Variants in ENPP6 observed in about 807,000 individuals in gnomAD.
ENPP6 encodes the protein ectonucleotide pyrophosphatase/phosphodiesterase 6.
Under a neutral mutation model 42.0 loss-of-function variants are expected in ENPP6, and 32 were observed. That is an observed-to-expected ratio of 0.76 (90% confidence interval 0.58 to 1.02). The LOEUF (loss-of-function observed/expected upper bound fraction) is 1.02. Ranked by LOEUF, ENPP6 falls within the 50% of genes least tolerant of loss-of-function variation. The probability of loss-of-function intolerance (pLI) is 0.00; values close to 1 mark genes in which losing one functional copy is unlikely to be tolerated. For missense variants in ENPP6, 552 were observed against 566.8 expected, an observed-to-expected ratio of 0.97 and a Z score of 0.27; for synonymous variants, 213 against 216.0, an observed-to-expected ratio of 0.99 and a Z score of 0.12.
chr4:184,157,014 C>G (rs1006906516), intron 1 of ENPP6, among the ~76,000 whole-genome samples: 2 of 152,212 alleles, frequency 1.3e-5, no homozygotes, highest in Non-Finnish European at 2.9e-5. Flanking sequence ...CAACTAGACT[C>G]AAACTTGGGC....
chr4:184,116,689 C>T (rs771187360), intron 5 of ENPP6, among the ~76,000 whole-genome samples, 167 bp downstream of exon 5: 2 of 152,118 alleles, frequency 1.3e-5, no homozygotes, highest in Non-Finnish European at 1.5e-5. Context: ...GCCGAGATCG[C>T]GCCATTGCAC....
chr4:184,194,270 C>G (rs1385464108), intron 1 of ENPP6, among the ~76,000 whole-genome samples: 1 of 152,208 alleles, frequency 6.6e-6, no homozygotes, highest in Non-Finnish European at 1.5e-5. Flanking sequence ...AGATGTTTCA[C>G]TGCACATTAA....
intron 1 of ENPP6, among the ~76,000 whole-genome samples, chr4:184,187,608 T>C (rs1486724355): frequency 6.6e-6 from 1 of 152,216 alleles, no homozygotes; most frequent in East Asian, 1.9e-4. Flanking sequence ...AATTTTATCT[T>C]ATCAGAAAGA....
chr4:184,092,860 A>G (rs1028044737), intron 7 of ENPP6, among the ~76,000 whole-genome samples: 4 of 152,268 alleles, frequency 2.6e-5, no homozygotes, highest in Non-Finnish European at 5.9e-5. Context: ...GCTTTGCTAA[A>G]GAATCCTAAA....
intron 7 of ENPP6, among the ~76,000 whole-genome samples, chr4:184,095,032 G>A (rs1357404821): frequency 2.6e-5 from 4 of 152,200 alleles, no homozygotes; most frequent in Non-Finnish European, 4.4e-5. Flanking sequence ...GCTATTAAAG[G>A]CCTTGCTCTT....
At chr4:184,213,379 A>C (rs1733147405) in intron 1 of ENPP6, among the ~76,000 whole-genome samples, 1 of 152,030 alleles carries the variant, frequency 6.6e-6, no homozygotes, top group South Asian at 2.1e-4. Flanking sequence ...CGATGAACTC[A>C]AACAAATTTA....
chr4:184,120,909 T>C (rs1225058805), intron 3 of ENPP6, among the ~76,000 whole-genome samples: 2 of 152,198 alleles, frequency 1.3e-5, no homozygotes, highest in Non-Finnish European at 2.9e-5. Flanking sequence ...GAGTTGACCC[T>C]GGAGTGGTTC....
At chr4:184,130,424 G>A (rs1359630365) in intron 2 of ENPP6, among the ~76,000 whole-genome samples, 1 of 118,820 alleles carries the variant, frequency 8.4e-6, no homozygotes, top group South Asian at 2.9e-4. Flanking sequence ...CGGGCGTGGT[G>A]GTGGGCACCT....
intron 6 of ENPP6, among the ~76,000 whole-genome samples, chr4:184,109,108 G>A (rs1217785600): frequency 6.6e-6 from 1 of 152,156 alleles, no homozygotes; most frequent in East Asian, 1.9e-4. Flanking sequence ...CTACTTGGGA[G>A]GCTGAGGCGG....
At chr4:184,175,023 G>A (rs1561001602) in intron 1 of ENPP6, among the ~76,000 whole-genome samples, 1 of 152,162 alleles carries the variant, frequency 6.6e-6, no homozygotes, top group Non-Finnish European at 1.5e-5. Context: ...TCCTAACAAG[G>A]CGCTGGGCTC....
chr4:184,099,496 A>G (rs1361796324), intron 6 of ENPP6, among the ~76,000 whole-genome samples: 1 of 152,204 alleles, frequency 6.6e-6, no homozygotes, highest in Non-Finnish European at 1.5e-5. Context: ...ATAGGTGGCA[A>G]CGGTCTGGTC....
At chr4:184,142,015 A>C (rs1440341215) in intron 2 of ENPP6, among the ~76,000 whole-genome samples, 1 of 152,126 alleles carries the variant, frequency 6.6e-6, no homozygotes, top group Non-Finnish European at 1.5e-5. Flanking sequence ...CCCTTCATCT[A>C]CAGCTGAGAA....
intron 1 of ENPP6, among the ~76,000 whole-genome samples, chr4:184,198,119 T>A (rs539993830): frequency 6.6e-6 from 1 of 152,312 alleles, no homozygotes; most frequent in South Asian, 2.1e-4. Context: ...GGCAGTTTGT[T>A]AGAAAAGAGT....
At chr4:184,205,935 T>G (rs1329009543) in intron 1 of ENPP6, among the ~76,000 whole-genome samples, 1 of 152,072 alleles carries the variant, frequency 6.6e-6, no homozygotes, top group African/African-American at 2.4e-5. Context: ...CTGTGAGCCG[T>G]CAGGCAGATG....
chr4:184,091,240 A>G lies in ENPP6; in HGVS notation c.1260T>C (p.Thr420=). ...VMCMLKGRAS[T]APPVWPSHCA... ...AGTGGCTGGGCCAGACAGGCGGGGC[A>G]GTGCTGGCGCGGCCCTTCAGCATGC... Residue 420 remains threonine (T), a synonymous_variant, in exon 8 of 8, where the codon ACT becomes ACC. Transcript: ENST00000296741. 5.6e-6 allele frequency: 9 copies of G among 1,595,302 alleles called. No homozygotes were observed. The highest frequency in any genetic ancestry group is 7.7e-6 in the Non-Finnish European group (9 of 1,170,786).
At chr4:184,158,416 G>A (rs946797648) in intron 1 of ENPP6, among the ~76,000 whole-genome samples, 5 of 152,024 alleles carry the variant, frequency 3.3e-5, no homozygotes, top group African/African-American at 9.7e-5. Flanking sequence ...GGTGGGGTGG[G>A]GGGAATAGGA....
At chr4:184,114,047 C>A (rs1736274141) in intron 5 of ENPP6, among the ~76,000 whole-genome samples, 1 of 151,750 alleles carries the variant, frequency 6.6e-6, no homozygotes, top group Non-Finnish European at 1.5e-5. Flanking sequence ...CTCACTGCAA[C>A]CTCCGACTCC....
intron 6 of ENPP6, among the ~76,000 whole-genome samples, chr4:184,098,125 T>G (rs1438544052): frequency 1.3e-5 from 2 of 152,194 alleles, no homozygotes; most frequent in Non-Finnish European, 2.9e-5. Flanking sequence ...ATCTTAAATA[T>G]AGTGTGCTTT....
intron 7 of ENPP6, among the ~76,000 whole-genome samples, chr4:184,092,664 C>T (rs928730418): frequency 3.9e-5 from 6 of 152,112 alleles, no homozygotes; most frequent in Admixed American, 2.6e-4. Flanking sequence ...ACTTTTAGGC[C>T]CCAAACCAGA....
Sources: gnomAD v4.1 joint callset for allele counts (sites outside exome capture counted in the v4.1 genomes callset) on GRCh38, gnomAD v4.1.1 for gene constraint, MANE v1.5 for transcripts, NCBI Gene and HGNC (gene_info 2026-07-23, HGNC 2026-07-21) for gene names.